The following TSHR variants were observed in gnomAD, a reference collection of about 807,000 sequenced individuals.
TSHR encodes the protein thyroid stimulating hormone receptor, also known as thyrotropin receptor.
A neutral mutation model predicts 64.1 loss-of-function variants in TSHR; 51 were observed. The ratio of observed to expected loss-of-function variants is 0.80; its 90% confidence interval spans 0.64 to 1.01. The LOEUF is 1.01. Among genes scored for constraint, TSHR ranks in the 50% least tolerant of loss-of-function variants. The pLI is 0.00. For missense variants in TSHR, 877 were observed against 942.8 expected, an observed-to-expected ratio of 0.93 and a Z score of 0.91; for synonymous variants, 361 against 361.9, an observed-to-expected ratio of 1.00 and a Z score of 0.03.
At chr14:81,081,735 A>G (rs1354218314) in intron 3 of TSHR, among the ~76,000 whole-genome samples, 1 of 152,210 alleles carries the variant, frequency 6.6e-6, no homozygotes, top group African/African-American at 2.4e-5. Flanking sequence ...TAAAAAATTT[A>G]TAGTAACAAA....
chr14:81,066,446 G>A (rs553428143), intron 2 of TSHR, among the ~76,000 whole-genome samples: 50 of 152,228 alleles, frequency 3.3e-4, no homozygotes, highest in African/African-American at 1.1e-3. Flanking sequence ...GTTATTATCT[G>A]CAAGAGGCAA....
At chr14:81,068,583 G>A in intron 3 of TSHR, 1 of 455,452 alleles carries the variant, frequency 2.2e-6, no homozygotes, top group Non-Finnish European at 4.1e-6. Context: ...TTACTACTGT[G>A]TCAGCATATT....
chr14:81,092,231 G>A (rs576020601), intron 5 of TSHR, among the ~76,000 whole-genome samples: 2 of 152,170 alleles, frequency 1.3e-5, no homozygotes, highest in South Asian at 2.1e-4. Context: ...GCAGATTCGG[G>A]AGAAGCCTCT....
At chr14:81,099,945 T>C (rs1273563212) in intron 7 of TSHR, among the ~76,000 whole-genome samples, 2 of 152,282 alleles carry the variant, frequency 1.3e-5, no homozygotes, top group Admixed American at 6.5e-5. Context: ...TATTATCTTA[T>C]GACCAGCCAT....
At chr14:81,057,075 G>A (rs1181602684) in intron 1 of TSHR, among the ~76,000 whole-genome samples, 1 of 152,134 alleles carries the variant, frequency 6.6e-6, no homozygotes, top group East Asian at 1.9e-4. Context: ...TTGCCACAGA[G>A]TATTTTCTTA....
chr14:81,112,001 T>C (rs1021551184), intron 8 of TSHR, among the ~76,000 whole-genome samples: 2 of 152,156 alleles, frequency 1.3e-5, no homozygotes, highest in African/African-American at 4.8e-5. Flanking sequence ...TTGTTTTTTA[T>C]ATTTATGGCA....
chr14:81,017,829 C>CTTTTT (rs58604814), intron 1 of TSHR, among the ~76,000 whole-genome samples: 1 of 137,086 alleles, frequency 7.3e-6, no homozygotes, highest in Admixed American at 7.3e-5. Flanking sequence ...ATTGTATAAT[C>CTTTTT]TTTTTTTTTT....
At chr14:81,038,302 A>G (rs1357036829) in intron 1 of TSHR, among the ~76,000 whole-genome samples, 2 of 152,036 alleles carry the variant, frequency 1.3e-5, no homozygotes, top group East Asian at 3.9e-4. Flanking sequence ...ATGGAAACAC[A>G]ACACACCTCA....
chr14:80,972,743 G>A lies in TSHR; in HGVS notation c.170+16893G>A, dbSNP rs145588054. 2.3e-3 allele frequency among the ~76,000 whole-genome samples: 355 copies of A among 152,146 alleles called. 1 individual carries two copies. The highest frequency in any genetic ancestry group is 7.7e-3 in the African/African-American group (321 of 41,510). ...TTTTCATCATCTCAAAGGGGAGCTC[G>A]TGCCGATTAAGCAGTCATTCCCCAT... On this transcript the variant is annotated intron_variant, in intron 1 of 9. Coordinates refer to ENST00000298171, the MANE Select transcript of TSHR (RefSeq NM_000369.5).
intron 7 of TSHR, chr14:81,104,323 C>T: frequency 1.0e-6 from 1 of 985,388 alleles, no homozygotes; most frequent in Non-Finnish European, 1.2e-6. Context: ...AGAAGTGTTC[C>T]CATGAGAGTC....
At chr14:81,068,172 A>C (rs1886793958) in intron 2 of TSHR, 82 bp from the exon 3 acceptor site, 1 of 1,381,022 alleles carries the variant, frequency 7.2e-7, no homozygotes. Context: ...GCGCATAACA[A>C]AAAGTTATGT....
At chr14:81,002,445 T>C (rs986884443) in intron 1 of TSHR, among the ~76,000 whole-genome samples, 1 of 152,202 alleles carries the variant, frequency 6.6e-6, no homozygotes, top group African/African-American at 2.4e-5. Flanking sequence ...GTATTACCTA[T>C]CTCAATGTTG....
chr14:80,981,872 C>G (rs1205059907), intron 1 of TSHR: 1 of 180,192 alleles, frequency 5.5e-6, no homozygotes, highest in Non-Finnish European at 1.3e-5. Flanking sequence ...AAAGTTGACT[C>G]TAACTCTCGC....
Position 81,142,988 on chromosome 14 carries a change from C to A in TSHR, c.930C>A (p.Arg310=). 6.2e-7 allele frequency: 1 copy of A among 1,614,106 alleles called. No homozygotes were observed. Among genetic ancestry groups the A allele is most frequent in the East Asian group, 2.2e-5 (1 of 44,864 alleles). The change falls in exon 10 of 10, where the codon CGC becomes CGA. Residue 310 remains arginine, a synonymous_variant. Transcript: ENST00000298171. ...MCNESSMQSL[R]QRKSVNALNS... is the part of the protein sequence containing the mutation. ...ATGAGAGCAGTATGCAGAGCTTGCGCCAGAGAAAATCTGTGAATGCCTTGA... is the reference window on the plus strand; with the variant it reads ...ATGAGAGCAGTATGCAGAGCTTGCGACAGAGAAAATCTGTGAATGCCTTGA...
At chr14:81,127,329 T>C (rs549859531) in intron 8 of TSHR, among the ~76,000 whole-genome samples, 146 of 152,302 alleles carry the variant, frequency 9.6e-4, no homozygotes, top group African/African-American at 3.4e-3. Flanking sequence ...ACATTCTGCC[T>C]CTGAGTCTAA....
chr14:81,133,360 C>A (rs1420167497), intron 8 of TSHR, among the ~76,000 whole-genome samples: 1 of 152,144 alleles, frequency 6.6e-6, no homozygotes, highest in African/African-American at 2.4e-5. Flanking sequence ...GCAAAACTCA[C>A]AGTACTCAGA....
chr14:80,957,152 G>C lies in TSHR; in HGVS notation c.170+1302G>C, dbSNP rs370479117. On this transcript the variant is annotated intron_variant, in intron 1 of 9. Coordinates refer to ENST00000298171, the MANE Select transcript of TSHR (RefSeq NM_000369.5). The stretch of plus-strand genomic sequence containing the variant: ...GCCCTTGCCTTTCTTCCCACTTTCT[G>C]GCCCCTCTGCCTGAAGCACATTTCA... Among the ~76,000 whole-genome samples, 371 of 152,086 alleles carry C rather than the reference G, an allele frequency of 2.4e-3. 4 individuals are homozygous for C. The highest frequency in any genetic ancestry group is 8.4e-3 in the African/African-American group (349 of 41,460).
At position 80,955,770 on chromosome 14, in the gene TSHR, G is replaced by C; in HGVS notation, c.90G>C (p.Glu30Asp). 1.9e-6 allele frequency: 3 copies of C among 1,614,228 alleles called. No individual in the cohort carries two copies. The highest frequency in any genetic ancestry group is 2.5e-6 in the Non-Finnish European group (3 of 1,180,050). Residue 30 changes from glutamate (E) to aspartate (D), a missense_variant, in exon 1 of 10, where the codon GAG becomes GAC. By Grantham distance (45) the Glu-to-Asp change is conservative (BLOSUM62 2). Coordinates refer to ENST00000298171, the MANE Select transcript of TSHR (RefSeq NM_000369.5). ...TGGGGTGTTCGTCTCCACCCTGCGA[G>C]TGCCATCAGGAGGAGGACTTCAGAG... ...GGMGCSSPPC[E>D]CHQEEDFRVT...
Position 80,976,057 on chromosome 14 carries a change from A to G in TSHR, c.170+20207A>G, listed in dbSNP as rs181222788. On this transcript the variant is annotated intron_variant, in intron 1 of 9. Coordinates refer to ENST00000298171, the MANE Select transcript of TSHR (RefSeq NM_000369.5). ...CTCCCGAGTAGCTGGGACTACAGGC[A>G]CCCGCAACCACGCCCGGCTAATTTT... Among the ~76,000 whole-genome samples, 1,134 of 151,652 alleles carry G rather than the reference A, an allele frequency of 7.5e-3. 10 individuals are homozygous for G. The highest frequency in any genetic ancestry group is 9.7e-3 in the Non-Finnish European group (659 of 67,882).
Sources: allele counts gnomAD v4.1 joint callset (sites outside exome capture counted in the v4.1 genomes callset), GRCh38; gene constraint gnomAD v4.1.1; transcripts MANE v1.5; gene names NCBI Gene and HGNC (gene_info 2026-07-23, HGNC 2026-07-21).